SNX13: variants seen among roughly 807,000 people sequenced by gnomAD.
SNX13 encodes sorting nexin 13.
SNX13 carries 45 observed loss-of-function variants against 133.6 expected under a neutral mutation model. The observed-to-expected ratio is 0.34, with a 90% CI of 0.27 to 0.43. The LOEUF is 0.43. Among genes scored for constraint, SNX13 ranks in the 20% least tolerant of loss-of-function variants. The pLI, the probability that SNX13 is intolerant of heterozygous loss-of-function variation, is 1.00. For synonymous variants in SNX13, 414 were observed against 373.9 expected, an observed-to-expected ratio of 1.11 and a Z score of -1.24; for missense variants, 1,032 against 1,145.1, an observed-to-expected ratio of 0.90 and a Z score of 1.43.
At position 17,803,590 on chromosome 7, in the gene SNX13, A is replaced by G; in HGVS notation, c.2065-10T>C. 6.3e-7 allele frequency: 1 copy of G among 1,597,948 alleles called. No individual in the cohort carries two copies. The highest frequency in any genetic ancestry group is 8.5e-7 in the Non-Finnish European group (1 of 1,172,364). ...TTACAAAAGTGTCCATCTAAAGGGA[A>G]AAAAGATATTATACCATGACTTTAT... is the stretch of plus-strand genomic sequence containing the variant. On this transcript the variant is annotated splice_polypyrimidine_tract_variant and intron_variant, in intron 20 of 25. Transcript: ENST00000428135.
intron 17 of SNX13, 179 bp from the exon 18 acceptor site, chr7:17,821,827 C>G (rs927186146): frequency 4.1e-5 from 26 of 635,182 alleles, no homozygotes; most frequent in Admixed American, 2.9e-4. Flanking sequence ...GATTCCCATC[C>G]TCCATATTCA....
chr7:17,865,366 A>G (rs578075903), intron 9 of SNX13, among the ~76,000 whole-genome samples: 3 of 152,334 alleles, frequency 2.0e-5, no homozygotes, highest in East Asian at 1.9e-4. Context: ...GAAAAAGAAA[A>G]CAAGAAAAGT....
chr7:17,817,707 A>C (rs1464492002), intron 18 of SNX13, among the ~76,000 whole-genome samples: 1 of 152,200 alleles, frequency 6.6e-6, no homozygotes, highest in Non-Finnish European at 1.5e-5. Flanking sequence ...GATTTACAAA[A>C]GTATTAGAAA....
chr7:17,918,496 C>T (rs188689415), intron 1 of SNX13, among the ~76,000 whole-genome samples: 2 of 151,504 alleles, frequency 1.3e-5, no homozygotes, highest in East Asian at 1.9e-4. Context: ...AAAAGACATA[C>T]AAGCAGCCAA....
chr7:17,799,194 T>C lies in SNX13; in HGVS notation c.2299-40A>G, dbSNP rs10231951. 7.1e-3 allele frequency: 10,784 copies of C among 1,517,712 alleles called. 607 individuals carry two copies. In the African/African-American group the frequency reaches 0.13, roughly 18 times the overall value. 94.0% of individuals were successfully genotyped at this position (1,517,712 alleles called of 1,614,324 possible). ...GAAATAAGAATAAGTTTGAGTTAGC[T>C]ATCTACTATGAATTGTTACTTTTGT... is the stretch of plus-strand genomic sequence containing the variant. On this transcript the variant is annotated intron_variant, in intron 22 of 25. Coordinates refer to ENST00000428135, the MANE Select transcript of SNX13 (RefSeq NM_015132.5).
chr7:17,797,761 T>C (rs993295881), intron 24 of SNX13, among the ~76,000 whole-genome samples: 1 of 151,858 alleles, frequency 6.6e-6, no homozygotes, highest in African/African-American at 2.4e-5. Flanking sequence ...GAACATCATT[T>C]ACCTACCCTG....
chr7:17,864,253 C>G (rs1051150989), intron 9 of SNX13, among the ~76,000 whole-genome samples: 7 of 152,204 alleles, frequency 4.6e-5, no homozygotes, highest in African/African-American at 1.7e-4. Flanking sequence ...TACAAAAGAG[C>G]TGTTTTGAGG....
intron 1 of SNX13, among the ~76,000 whole-genome samples, chr7:17,937,040 A>G (rs575928722): frequency 1.6e-3 from 238 of 150,580 alleles, no homozygotes; most frequent in African/African-American, 5.4e-3. Context: ...AAAACTAGCT[A>G]GACGTTACAT....
chr7:17,940,205 A>G, intron 1 of SNX13, 79 bp downstream of exon 1: 1 of 1,538,558 alleles, frequency 6.5e-7, no homozygotes, highest in South Asian at 1.2e-5. Context: ...CACCTTCCGT[A>G]CAGATGATGT....
At chr7:17,837,114 G>A (rs1474536811) in intron 13 of SNX13, among the ~76,000 whole-genome samples, 2 of 151,742 alleles carry the variant, frequency 1.3e-5, no homozygotes, top group African/African-American at 4.8e-5. Flanking sequence ...CAATGTGAAG[G>A]ATCAAGTTAA....
At chr7:17,883,929 G>A (rs1265295445) in intron 5 of SNX13, among the ~76,000 whole-genome samples, 3 of 152,020 alleles carry the variant, frequency 2.0e-5, no homozygotes, top group African/African-American at 4.8e-5. Flanking sequence ...TAGTTTTATT[G>A]GACAGTTATG....
At chr7:17,888,670 T>C (rs1395562008) in intron 5 of SNX13, 2 of 470,342 alleles carry the variant, frequency 4.3e-6, no homozygotes, top group East Asian at 6.9e-5. Context: ...AGGTATTTCA[T>C]TTCACTCCAC....
intron 9 of SNX13, among the ~76,000 whole-genome samples, chr7:17,861,021 G>C (rs1226156124): frequency 6.6e-6 from 1 of 151,972 alleles, no homozygotes; most frequent in Non-Finnish European, 1.5e-5. Context: ...CCATTTATTT[G>C]TGTCTTTTTT....
intron 1 of SNX13, among the ~76,000 whole-genome samples, chr7:17,913,192 AAC>A (rs1238459987): frequency 1.3e-5 from 2 of 152,198 alleles, no homozygotes; most frequent in Admixed American, 1.3e-4. Context: ...GGTCAAAGGA[AAC>A]ACAAGTGTGG....
At chr7:17,929,527 A>G (rs10244826) in intron 1 of SNX13, among the ~76,000 whole-genome samples, 3 of 151,546 alleles carry the variant, frequency 2.0e-5, no homozygotes, top group Non-Finnish European at 4.4e-5. Context: ...ACATATTTTT[A>G]AAAAAAAAGA....
chr7:17,872,803 G>A (rs1014791972), intron 8 of SNX13, among the ~76,000 whole-genome samples: 1 of 152,096 alleles, frequency 6.6e-6, no homozygotes, highest in African/African-American at 2.4e-5. Flanking sequence ...TTCACGTTAC[G>A]CATTCAACCA....
intron 9 of SNX13, 53 bp downstream of exon 9, chr7:17,868,354 T>C (rs776618586): frequency 1.3e-5 from 18 of 1,352,722 alleles, no homozygotes; most frequent in African/African-American, 5.8e-5. Flanking sequence ...ACTATATTTT[T>C]ACATTTCAAA....
At chr7:17,918,165 TA>T (rs1368563108) in intron 1 of SNX13, among the ~76,000 whole-genome samples, 6 of 152,070 alleles carry the variant, frequency 3.9e-5, no homozygotes, top group Admixed American at 1.3e-4. Context: ...ATTAAAGACC[TA>T]AAACTGTAAA....
chr7:17,801,712 G>C (rs1313273352), intron 21 of SNX13, 53 bp from the exon 22 acceptor site: 1 of 1,331,146 alleles, frequency 7.5e-7, no homozygotes, highest in African/African-American at 1.5e-5. Context: ...GACAGTGAAA[G>C]AACACAACAC....
Sources: gnomAD v4.1 joint callset for allele counts (sites outside exome capture counted in the v4.1 genomes callset) on GRCh38, gnomAD v4.1.1 for gene constraint, MANE v1.5 for transcripts, NCBI Gene and HGNC (gene_info 2026-07-23, HGNC 2026-07-21) for gene names.